CLDN11: variants seen among roughly 807,000 people sequenced by gnomAD.
CLDN11 encodes the protein claudin-11.
In CLDN11, 1 loss-of-function variant was observed where a neutral mutation model predicts 18.0. That is an observed-to-expected ratio of 0.06 (90% CI 0.02 to 0.26). The LOEUF is 0.26. Among genes scored for constraint, CLDN11 ranks in the 10% least tolerant of loss-of-function variants. The pLI, the probability that CLDN11 is intolerant of heterozygous loss-of-function variation, is 1.00. For missense variants in CLDN11, 172 were observed against 276.6 expected (o/e 0.62, Z 2.68); for synonymous variants, 116 against 121.5 (o/e 0.96, Z 0.30).
intron 2 of CLDN11, among the ~76,000 whole-genome samples, chr3:170,425,767 A>T (rs984134440): frequency 2.0e-5 from 3 of 152,002 alleles, no homozygotes; most frequent in African/African-American, 7.3e-5. Context: ...TGCATTTCCG[A>T]TATTGTCTGC....
Position 170,423,204 on chromosome 3 carries a change from G to A in CLDN11, c.268G>A (p.Val90Ile). 1 of 1,614,198 alleles carries A rather than the reference G, an allele frequency of 6.2e-7. No individual in the cohort carries two copies. Among genetic ancestry groups the A allele is most frequent in the Non-Finnish European group, 8.5e-7 (1 of 1,180,036 alleles). The change falls in exon 2 of 3, where the codon GTC becomes ATC. Residue 90 changes from valine to isoleucine, a missense_variant. By Grantham distance (29) the Val-to-Ile change is conservative (BLOSUM62 3). Around this residue, in one of 3 missense-constraint regions of CLDN11, gnomAD observed 161 missense variants for 240.3 expected, o/e 0.67. Transcript: ENST00000064724. ...CCGCGCCCTGATGATTGCTGCCTCG[G>A]TCCTGGGTCTGCCGGCCATTTTACT... ...ACRALMIAAS[V>I]LGLPAILLLL...
chr3:170,420,748 G>A (rs1738704898), intron 1 of CLDN11, among the ~76,000 whole-genome samples: 1 of 152,214 alleles, frequency 6.6e-6, no homozygotes, highest in South Asian at 2.1e-4. Flanking sequence ...GTCAACGAAC[G>A]CAGATCTAGA....
At position 170,432,627 on chromosome 3, in the gene CLDN11, T is replaced by C. The variant is rs759448641; in HGVS notation, c.495T>C (p.Ala165=). 54 of 1,614,048 alleles carry C rather than the reference T, an allele frequency of 3.3e-5. 1 individual carries two copies. In the South Asian group the frequency reaches 5.7e-4, roughly 17 times the overall value. The change falls in exon 3 of 3, where the codon GCT becomes GCC. Residue 165 remains alanine, a synonymous_variant. Coordinates refer to ENST00000064724, the MANE Select transcript of CLDN11 (RefSeq NM_005602.6). ...GYSLYAGWIG[A]VLCLVGGCVI... ...CCCTGTATGCAGGCTGGATTGGTGC[T>C]GTGCTGTGCCTCGTGGGTGGCTGTG...
Position 170,419,132 on chromosome 3 carries a change from C to T in CLDN11, c.66C>T (p.Ile22=), listed in dbSNP as rs145075208. ...GCTTCGTGGGCTGGATCGGGGTCAT[C>T]GTGACCACCTCCACCAATGACTGGG... The part of the protein sequence containing the change: ...VTSFVGWIGV[I]VTTSTNDWVV... Residue 22 remains isoleucine, a synonymous_variant, in exon 1 of 3, where the codon ATC becomes ATT. Transcript: ENST00000064724. This position sits in a 1 kb window ranked among gnomAD's most constrained non-coding sequence, Gnocchi z 8.6. The T allele has an allele frequency of 6.4e-7, 1 of 1,552,072 alleles. No homozygotes were observed. Among genetic ancestry groups the T allele is most frequent in the Non-Finnish European group, 8.7e-7 (1 of 1,147,430 alleles).
chr3:170,430,392 T>A (rs542528917), intron 2 of CLDN11, among the ~76,000 whole-genome samples: 1 of 152,336 alleles, frequency 6.6e-6, no homozygotes, highest in East Asian at 1.9e-4. Flanking sequence ...ACGTACACAC[T>A]GCTTTTCTTG....
intron 2 of CLDN11, among the ~76,000 whole-genome samples, chr3:170,424,933 G>C (rs944108107): frequency 3.0e-4 from 14 of 47,326 alleles, no homozygotes; most frequent in African/African-American, 1.1e-3. Context: ...GTGTGTGTGT[G>C]TGTGTGTGCG....
chr3:170,430,355 A>G lies in CLDN11; in HGVS notation c.392-2169A>G, dbSNP rs1738967735. 2.0e-5 allele frequency among the ~76,000 whole-genome samples: 3 copies of G among 152,320 alleles called. No homozygotes were observed. The South Asian group carries it at 6.2e-4, about 32-fold the overall frequency. On this transcript the variant is annotated intron_variant, in intron 2 of 2. Transcript: ENST00000064724. ...CTTTCCCCTGCATCTGAGGTTTCCA[A>G]AGTCCTGAGCTAGAAAGGGAGGTTT...
chr3:170,433,747 T>C lies in CLDN11; in HGVS notation c.*991T>C, dbSNP rs1739069103. ...CCTCAATTCATCAATATGAAGGAAA[T>C]GAACCACATAGACTTTATGCAATAA... On this transcript the variant is annotated 3_prime_UTR_variant, in exon 3 of 3. Coordinates refer to ENST00000064724, the MANE Select transcript of CLDN11 (RefSeq NM_005602.6). The C allele has an allele frequency of 6.6e-6, 1 of 152,642 alleles. No homozygotes were observed. Among genetic ancestry groups the C allele is most frequent in the Admixed American group, 6.5e-5 (1 of 15,270 alleles). 9.5% of individuals were successfully genotyped at this position (152,642 alleles called of 1,614,324 possible). A position where few individuals can be genotyped will look rare whatever the true frequency, so the allele number is the denominator to read the frequency against.
rs1739076774 is a variant in CLDN11 at position 170,434,116 on chromosome 3, T to C, written c.*1360T>C. ...TCTGCAAAACTGGCCTTCAATCTTC[T>C]GTTGTATCCAGAGGTATCATTATTG... On this transcript the variant is annotated 3_prime_UTR_variant, in exon 3 of 3. Transcript: ENST00000064724. 2 of 152,672 alleles carry C rather than the reference T, an allele frequency of 1.3e-5. No homozygotes were observed. The highest frequency in any genetic ancestry group is 4.8e-5 in the African/African-American group (2 of 41,462). 9.5% of individuals were successfully genotyped at this position (152,672 alleles called of 1,614,324 possible). A position where few individuals can be genotyped will look rare whatever the true frequency, so the allele number is the denominator to read the frequency against.
At chr3:170,431,668 G>A (rs1739005914) in intron 2 of CLDN11, among the ~76,000 whole-genome samples, 1 of 152,152 alleles carries the variant, frequency 6.6e-6, no homozygotes, top group African/African-American at 2.4e-5. Flanking sequence ...TTATAAAGAG[G>A]TGAAAAACTA....
At chr3:170,421,222 GA>G in intron 1 of CLDN11, 1 of 963,850 alleles carries the variant, frequency 1.0e-6, no homozygotes, top group Non-Finnish European at 1.2e-6. Context: ...GTGGAGGCAG[GA>G]ACAGTCCTCT....
Position 170,423,201 on chromosome 3 carries a change from T to G in CLDN11, c.265T>G (p.Ser89Ala), listed in dbSNP as rs769233760. Reference sequence around the variant, plus strand: ...CTGCCGCGCCCTGATGATTGCTGCCTCGGTCCTGGGTCTGCCGGCCATTTT... The same window carrying G: ...CTGCCGCGCCCTGATGATTGCTGCCGCGGTCCTGGGTCTGCCGGCCATTTT... ...QACRALMIAA[S>A]VLGLPAILLL... Residue 89 changes from serine (S) to alanine (A), a missense_variant, in exon 2 of 3, where the codon TCG (serine) becomes GCG (alanine). Ser to Ala is a moderately conservative substitution (Grantham distance 99). Coordinates refer to ENST00000064724, the MANE Select transcript of CLDN11 (RefSeq NM_005602.6). 1.2e-6 allele frequency: 2 copies of G among 1,614,078 alleles called. No homozygotes were observed. Among genetic ancestry groups the G allele is most frequent in the African/African-American group, 1.3e-5 (1 of 74,926 alleles).
In CLDN11 at chr3:170,425,766, G is replaced by A. The variant is rs182923082; in HGVS notation, c.391+2439G>A. ...TGCCCTTTTACGGCCTTGCATTTCC[G>A]ATATTGTCTGCCTGCTTTGCTCCTA... is the stretch of plus-strand genomic sequence containing the variant. On this transcript the variant is annotated intron_variant, in intron 2 of 2. Coordinates refer to ENST00000064724, the MANE Select transcript of CLDN11 (RefSeq NM_005602.6). Among the ~76,000 whole-genome samples the A allele has an allele frequency of 2.8e-3, 430 of 152,266 alleles. 3 individuals carry two copies. The highest frequency in any genetic ancestry group is 9.2e-3 in the African/African-American group (381 of 41,536).
Position 170,432,555 on chromosome 3 carries a change from C to T in CLDN11, c.423C>T (p.Phe141=). The part of the protein sequence containing the change: ...ALCALVATIW[F]PVCAHRETTI... ...GCGCCCTTGTTGCCACCATCTGGTT[C>T]CCTGTGTGCGCCCACCGTGAGACCA... The change falls in exon 3 of 3, where the codon TTC becomes TTT. Residue 141 remains phenylalanine (F), a synonymous_variant. Transcript: ENST00000064724. 6.2e-7 allele frequency: 1 copy of T among 1,608,948 alleles called. No individual in the cohort carries two copies. Among genetic ancestry groups the T allele is most frequent in the Non-Finnish European group, 8.5e-7 (1 of 1,178,342 alleles).
At chr3:170,420,260 C>T (rs1738692298) in intron 1 of CLDN11, among the ~76,000 whole-genome samples, 1 of 152,222 alleles carries the variant, frequency 6.6e-6, no homozygotes, top group Non-Finnish European at 1.5e-5. Flanking sequence ...CCTTGGTTTT[C>T]TGCTGGAATC....
chr3:170,420,241 CG>C (rs1282017373), intron 1 of CLDN11, among the ~76,000 whole-genome samples: 1 of 152,192 alleles, frequency 6.6e-6, no homozygotes, highest in African/African-American at 2.4e-5. Flanking sequence ...GGCGAGGTCG[CG>C]GGCACCCCCT....
chr3:170,432,620 T>C lies in CLDN11; in HGVS notation c.488T>C (p.Ile163Thr). Reference sequence around the variant, plus strand: ...GGCTACTCCCTGTATGCAGGCTGGATTGGTGCTGTGCTGTGCCTCGTGGGT... The same window carrying C: ...GGCTACTCCCTGTATGCAGGCTGGACTGGTGCTGTGCTGTGCCTCGTGGGT... ...SFGYSLYAGW[I>T]GAVLCLVGGC... Residue 163 changes from isoleucine to threonine, a missense_variant, in exon 3 of 3, where the codon ATT (isoleucine) becomes ACT (threonine). By Grantham distance (89) the Ile-to-Thr change is moderately conservative. Transcript: ENST00000064724. 6.2e-7 allele frequency: 1 copy of C among 1,614,032 alleles called. No individual in the cohort carries two copies. Among genetic ancestry groups the C allele is most frequent in the South Asian group, 1.1e-5 (1 of 91,078 alleles).
chr3:170,422,091 G>A (rs1216829877), intron 1 of CLDN11, among the ~76,000 whole-genome samples: 3 of 152,168 alleles, frequency 2.0e-5, no homozygotes, highest in Admixed American at 2.0e-4. Flanking sequence ...GCAGGAGATG[G>A]GGTCCAACAA....
Position 170,433,527 on chromosome 3 carries a change from G to C in CLDN11, c.*771G>C, listed in dbSNP as rs561756412. The C allele has an allele frequency of 1.3e-5, 2 of 152,418 alleles. No individual in the cohort carries two copies. The allele number at this position is 152,418 out of a possible 1,614,324, so 9.4% of individuals were successfully genotyped here. On this transcript the variant is annotated 3_prime_UTR_variant, in exon 3 of 3. Coordinates refer to ENST00000064724, the MANE Select transcript of CLDN11 (RefSeq NM_005602.6). Reference sequence around the variant, plus strand: ...TCCCTTCAAGGTCATTTACTTGTACGAGACAGAAAAAGATAGCATTGGGGA... The same window carrying C: ...TCCCTTCAAGGTCATTTACTTGTACCAGACAGAAAAAGATAGCATTGGGGA...
Sources: allele counts gnomAD v4.1 joint callset (sites outside exome capture counted in the v4.1 genomes callset), GRCh38; gene constraint gnomAD v4.1.1; regional missense constraint gnomAD v4.1.1; non-coding constraint Gnocchi (gnomAD v3.1); transcripts MANE v1.5; gene names NCBI Gene and HGNC (gene_info 2026-07-23, HGNC 2026-07-21).